The following SRFBP1 variants were observed in gnomAD, a reference collection of about 807,000 sequenced individuals.
SRFBP1 encodes the protein serum response factor-binding protein 1.
In SRFBP1, 47 loss-of-function variants were observed where a neutral mutation model predicts 45.5. That is an observed-to-expected ratio of 1.03 (90% CI 0.82 to 1.32). The LOEUF (loss-of-function observed/expected upper bound fraction) is 1.32, where lower values mean the gene tolerates loss of function less well. Among genes scored for constraint, SRFBP1 ranks in the 40% most tolerant of loss-of-function variants. The pLI is 0.00. For synonymous variants in SRFBP1, 203 were observed against 166.3 expected, an observed-to-expected ratio of 1.22 and a Z score of -1.70; for missense variants, 621 against 484.6, an observed-to-expected ratio of 1.28 and a Z score of -2.64.
At chr5:122,024,199 C>T (rs1389708854) in intron 7 of SRFBP1, among the ~76,000 whole-genome samples, 1 of 152,202 alleles carries the variant, frequency 6.6e-6, no homozygotes, top group Non-Finnish European at 1.5e-5. Flanking sequence ...AGCCAGTTAC[C>T]TTTGTACAGC....
At chr5:122,055,069 A>G (rs944450951) in intron 2 of SRFBP1, among the ~76,000 whole-genome samples, 1 of 152,218 alleles carries the variant, frequency 6.6e-6, no homozygotes, top group Non-Finnish European at 1.5e-5. Context: ...GTATCAAAAT[A>G]CCATAGACTG....
rs781168838 is a variant in SRFBP1 at position 122,020,449 on chromosome 5, A to T, written c.714A>T (p.Gly238=). ...TAAGTCAAACCAAAAAAAACAAAGGATCTGATAGCTCACTCTCTGGTAACA... is the reference window on the plus strand; with the variant it reads ...TAAGTCAAACCAAAAAAAACAAAGGTTCTGATAGCTCACTCTCTGGTAACA... ...KTLSQTKKNK[G]SDSSLSGNSD... Residue 238 remains glycine, a synonymous_variant, in exon 6 of 8, where the codon GGA becomes GGT. Transcript: ENST00000339397. 6.2e-7 allele frequency: 1 copy of T among 1,614,112 alleles called. No homozygotes were observed. Among genetic ancestry groups the T allele is most frequent in the African/African-American group, 1.3e-5 (1 of 75,042 alleles).
chr5:121,991,510 T>A (rs986433185), intron 3 of SRFBP1, among the ~76,000 whole-genome samples: 2 of 152,150 alleles, frequency 1.3e-5, no homozygotes, highest in East Asian at 3.9e-4. Flanking sequence ...AAATTTTCTG[T>A]AATCTTTGAA....
chr5:121,982,242 T>A (rs1363162074), intron 3 of SRFBP1, among the ~76,000 whole-genome samples: 6 of 151,966 alleles, frequency 3.9e-5, no homozygotes, highest in African/African-American at 1.4e-4. Flanking sequence ...TTGTTAGCCT[T>A]CTGTACTTAA....
chr5:122,073,038 T>G (rs184529204), intron 2 of SRFBP1, among the ~76,000 whole-genome samples: 1 of 152,278 alleles, frequency 6.6e-6, no homozygotes, highest in East Asian at 1.9e-4. Context: ...CCCCCTCCAA[T>G]TGCTATGATG....
At chr5:122,037,836 C>T (rs930880073) in intron 2 of SRFBP1, among the ~76,000 whole-genome samples, 12 of 152,116 alleles carry the variant, frequency 7.9e-5, no homozygotes, top group African/African-American at 2.9e-4. Context: ...GCTCTTAATC[C>T]ATCTGGATTT....
chr5:121,973,545 CTTAGAG>C (rs1324878414), intron 1 of SRFBP1, among the ~76,000 whole-genome samples: 2 of 145,048 alleles, frequency 1.4e-5, no homozygotes, highest in African/African-American at 5.1e-5. Flanking sequence ...GCTTTTTGTT[CTTAGAG>C]TTAAACATTG....
intron 4 of SRFBP1, among the ~76,000 whole-genome samples, chr5:121,999,675 T>A (rs1490787851): frequency 2.6e-5 from 4 of 152,120 alleles, no homozygotes; most frequent in Admixed American, 1.3e-4. Context: ...TGATCCTTTA[T>A]AATTATGTAA....
At chr5:122,076,453 C>T (rs1288471444), downstream of SRFBP1, among the ~76,000 whole-genome samples, 2 of 152,128 alleles carry the variant, frequency 1.3e-5, no homozygotes, top group Non-Finnish European at 2.9e-5. Flanking sequence ...TGGTCTCAAA[C>T]AAAAGAGGAA....
rs181809902 is a variant in SRFBP1 at position 122,016,152 on chromosome 5, T to C, written c.271-3108T>C. ...AAACTCTCCATCTGCTATTGATATG[T>C]CCTCTCCAGATATTCAGCACACCAA... On this transcript the variant is annotated intron_variant, in intron 4 of 7. Coordinates refer to ENST00000339397, the MANE Select transcript of SRFBP1 (RefSeq NM_152546.3). 8.3e-4 allele frequency among the ~76,000 whole-genome samples: 127 copies of C among 152,342 alleles called. 1 individual carries two copies. The highest frequency in any genetic ancestry group is 1.7e-3 in the South Asian group (8 of 4,834).
At chr5:121,968,790 G>T (rs907877362) in intron 1 of SRFBP1, among the ~76,000 whole-genome samples, 2 of 152,158 alleles carry the variant, frequency 1.3e-5, no homozygotes, top group Non-Finnish European at 2.9e-5. Context: ...TTCATACAAA[G>T]AATTTGTTGT....
intron 4 of SRFBP1, among the ~76,000 whole-genome samples, chr5:122,003,679 A>C (rs2112687445): frequency 6.6e-6 from 1 of 152,240 alleles, no homozygotes; most frequent in South Asian, 2.1e-4. Flanking sequence ...GCCATCCAAC[A>C]ATGTATAAGA....
downstream of SRFBP1, among the ~76,000 whole-genome samples, chr5:122,031,516 A>G (rs569882340): frequency 6.6e-6 from 1 of 152,316 alleles, no homozygotes; most frequent in South Asian, 2.1e-4. Context: ...AAATAGAGAA[A>G]ATCAATAATG....
chr5:121,988,246 C>T (rs186723315), intron 3 of SRFBP1, among the ~76,000 whole-genome samples: 1 of 152,244 alleles, frequency 6.6e-6, no homozygotes, highest in African/African-American at 2.4e-5. Flanking sequence ...AGTCCTAGCC[C>T]TGCTTTGATT....
chr5:122,073,973 T>A, intron 2 of SRFBP1: 1 of 1,591,324 alleles, frequency 6.3e-7, no homozygotes, highest in East Asian at 2.2e-5. Flanking sequence ...CCCGTTTCTC[T>A]CTGAGGCTTG....
intron 2 of SRFBP1, among the ~76,000 whole-genome samples, chr5:122,047,019 T>C (rs1358719054): frequency 5.3e-5 from 8 of 152,236 alleles, no homozygotes; most frequent in Non-Finnish European, 1.2e-4. Flanking sequence ...TGATGGTAGT[T>C]TCTTTTGCTG....
chr5:122,019,965 T>C (rs1185813535), intron 5 of SRFBP1, 123 bp from the exon 6 acceptor site: 3 of 588,756 alleles, frequency 5.1e-6, no homozygotes, highest in Non-Finnish European at 8.3e-6. Context: ...AGTATATGTA[T>C]TTAATATCAA....
intron 4 of SRFBP1, among the ~76,000 whole-genome samples, chr5:122,018,137 G>C (rs1054268510): frequency 3.9e-5 from 6 of 152,226 alleles, no homozygotes; most frequent in African/African-American, 1.2e-4. Context: ...TCCAGGTAAA[G>C]AAGAGATTGC....
chr5:122,046,016 A>G (rs1168394378), intron 2 of SRFBP1, among the ~76,000 whole-genome samples: 1 of 152,042 alleles, frequency 6.6e-6, no homozygotes, highest in Non-Finnish European at 1.5e-5. Flanking sequence ...CTTATTATTT[A>G]AAAGTATGAT....
Sources: allele counts gnomAD v4.1 joint callset (sites outside exome capture counted in the v4.1 genomes callset), GRCh38; gene constraint gnomAD v4.1.1; transcripts MANE v1.5; gene names NCBI Gene and HGNC (gene_info 2026-07-23, HGNC 2026-07-21).